Variants in DISP3 observed in about 807,000 individuals in gnomAD.
The protein encoded by DISP3 is protein dispatched homolog 3.
Under a neutral mutation model 135.3 loss-of-function variants are expected in DISP3, and 101 were observed. The observed-to-expected ratio is 0.75, with a 90% CI of 0.64 to 0.88. The LOEUF (loss-of-function observed/expected upper bound fraction) is 0.88. Among genes scored for constraint, DISP3 ranks in the 40% least tolerant of loss-of-function variants. DISP3 has a pLI of 0.00. For missense variants in DISP3, 1,713 were observed against 1,878.6 expected (o/e 0.91, Z 1.63); for synonymous variants, 856 against 817.0 (o/e 1.05, Z -0.81).
At chr1:11,517,643 A>G (rs1642052640) in intron 7 of DISP3, 41 bp downstream of exon 7, 1 of 1,606,128 alleles carries the variant, frequency 6.2e-7, no homozygotes, top group South Asian at 1.1e-5. Flanking sequence ...GGGTATCCAC[A>G]ACAGGCCTCT....
In DISP3 at chr1:11,479,338, C is replaced by G. The variant is rs937930607; in HGVS notation, c.-38C>G. Reference sequence around the variant, plus strand: ...ACCCTCTGCGCACTCTCTCCCGCGCCGGCGGCTCAGCCTAGCCCCGTTCGG... The same window carrying G: ...ACCCTCTGCGCACTCTCTCCCGCGCGGGCGGCTCAGCCTAGCCCCGTTCGG... On this transcript the variant is annotated 5_prime_UTR_variant, in exon 1 of 21. Coordinates refer to ENST00000294484, the MANE Select transcript of DISP3 (RefSeq NM_020780.2). 6.5e-6 allele frequency: 1 copy of G among 154,244 alleles called. No homozygotes were observed. Among genetic ancestry groups the G allele is most frequent in the Non-Finnish European group, 1.5e-5 (1 of 68,120 alleles). The allele number at this position is 154,244 out of a possible 1,614,324, so 9.6% of individuals were successfully genotyped here.
At chr1:11,525,081 C>A in intron 11 of DISP3, 95 bp from the exon 12 acceptor site, 1 of 1,476,628 alleles carries the variant, frequency 6.8e-7, no homozygotes, top group Non-Finnish European at 9.3e-7. Flanking sequence ...GGACTGAGCT[C>A]GTTAGTCGAC....
intron 17 of DISP3, chr1:11,533,737 G>GCACACACGCACGCACA (rs1277195286): frequency 9.0e-6 from 5 of 556,288 alleles, no homozygotes; most frequent in Non-Finnish European, 1.6e-5. Context: ...AGACACGCAT[G>GCACACACGCACGCACA]CACACACACA....
intron 10 of DISP3, among the ~76,000 whole-genome samples, chr1:11,522,781 GGGCCC>G (rs1388450899): frequency 2.9e-5 from 4 of 140,326 alleles, no homozygotes; most frequent in African/African-American, 8.1e-5. Context: ...GACCCAGCCA[GGGCCC>G]AGCCAGAGCC....
intron 1 of DISP3, among the ~76,000 whole-genome samples, chr1:11,495,364 C>T (rs999415118): frequency 1.3e-5 from 2 of 152,146 alleles, no homozygotes; most frequent in African/African-American, 2.4e-5. Flanking sequence ...GCACTCCAGC[C>T]TGGGTGACAG....
chr1:11,500,932 A>C, intron 1 of DISP3, 58 bp from the exon 2 acceptor site: 1 of 1,584,486 alleles, frequency 6.3e-7, no homozygotes, highest in Non-Finnish European at 8.6e-7. Flanking sequence ...GAACTGCACC[A>C]CAGGGCACCT....
rs375804957 is a variant in DISP3, at chr1:11,519,552, C to T, written c.2038+49C>T. The T allele has an allele frequency of 4.7e-5, 76 of 1,600,192 alleles. No homozygotes were observed. Among genetic ancestry groups the T allele is most frequent in the Non-Finnish European group, 6.4e-5 (75 of 1,171,690 alleles). On this transcript the variant is annotated intron_variant, in intron 8 of 20. Transcript: ENST00000294484. The surrounding 1 kb of genome is among the most constrained non-coding windows in gnomAD (Gnocchi z 4.3). Reference sequence around the variant, plus strand: ...CTACTGACCCCAGTGAGACCCAGCGCTGCCTCTGCCAGGGGAGTAACACTT... The same window carrying T: ...CTACTGACCCCAGTGAGACCCAGCGTTGCCTCTGCCAGGGGAGTAACACTT...
intron 12 of DISP3, among the ~76,000 whole-genome samples, chr1:11,525,955 A>T (rs888957508): frequency 6.6e-6 from 1 of 152,178 alleles, no homozygotes; most frequent in Non-Finnish European, 1.5e-5. Context: ...GACCACAGGC[A>T]CACACCACCA....
At position 11,520,012 on chromosome 1, in the gene DISP3, C is replaced by T. The variant is rs1358434001; in HGVS notation, c.2200+132C>T. 21 of 843,760 alleles carry T rather than the reference C, an allele frequency of 2.5e-5. No homozygotes were observed. Among genetic ancestry groups the T allele is most frequent in the Non-Finnish European group, 3.4e-5 (19 of 556,108 alleles). 52.3% of individuals were successfully genotyped at this position (843,760 alleles called of 1,614,324 possible). ...GGGCTGGGGTCTCTCCCTCTCTGAC[C>T]CCCCCTCTTTCCTGTGCAGAATGAA... On this transcript the variant is annotated intron_variant, in intron 9 of 20. Coordinates refer to ENST00000294484, the MANE Select transcript of DISP3 (RefSeq NM_020780.2). This position sits in a 1 kb window ranked among gnomAD's most constrained non-coding sequence, Gnocchi z 4.8.
At chr1:11,490,207 A>T (rs966814910) in intron 1 of DISP3, among the ~76,000 whole-genome samples, 3 of 152,166 alleles carry the variant, frequency 2.0e-5, no homozygotes, top group Non-Finnish European at 2.9e-5. Flanking sequence ...GGCCAGGGGC[A>T]TCTGGGAACC....
intron 3 of DISP3, among the ~76,000 whole-genome samples, chr1:11,513,128 A>T (rs1256853925): frequency 1.3e-5 from 2 of 151,888 alleles, no homozygotes; most frequent in South Asian, 2.1e-4. Flanking sequence ...ACTAAAAAAT[A>T]AAAAAAATCG....
Position 11,516,535 on chromosome 1 carries a change from T to G in DISP3, c.1749+374T>G, listed in dbSNP as rs1642017463. 6.6e-6 allele frequency among the ~76,000 whole-genome samples: 1 copy of G among 152,174 alleles called. No homozygotes were observed. The highest frequency in any genetic ancestry group is 1.5e-5 in the Non-Finnish European group (1 of 68,040). On this transcript the variant is annotated intron_variant, in intron 6 of 20. Transcript: ENST00000294484. The surrounding 1 kb of genome is among the most constrained non-coding windows in gnomAD (Gnocchi z 5.1). ...TTGGCCCCTGAGAGGTAAAGTGACT[T>G]CCTCAGGATCACACAGCAGATAAGT...
Position 11,519,455 on chromosome 1 carries a change from C to G in DISP3, c.1990C>G (p.Pro664Ala). The change falls in exon 8 of 21, where the codon CCC (proline) becomes GCC (alanine). Residue 664 changes from proline (P) to alanine (A), a missense_variant. Physicochemically the swap from Pro to Ala is conservative, Grantham distance 27. This residue lies in a region of DISP3 where 1,142 missense variants were observed against 1,384.6 expected (regional missense o/e 0.82). Transcript: ENST00000294484. This position sits in a 1 kb window ranked among gnomAD's most constrained non-coding sequence, Gnocchi z 4.3. Reference protein sequence around the residue: ...VGGSPAQGPIPYLDDDIPLLE... With the variant: ...VGGSPAQGPIAYLDDDIPLLE... ...AGGCAGCCCTGCCCAGGGCCCCATA[C>G]CCTACCTGGATGATGACATCCCCTT... The G allele has an allele frequency of 6.2e-7, 1 of 1,613,804 alleles. No individual in the cohort carries two copies. The highest frequency in any genetic ancestry group is 8.5e-7 in the Non-Finnish European group (1 of 1,180,020).
chr1:11,536,513 G>A lies in DISP3; in HGVS notation c.4006G>A (p.Val1336Ile), dbSNP rs763169933. 55 of 1,613,218 alleles carry A rather than the reference G, an allele frequency of 3.4e-5. No individual in the cohort carries two copies. The highest frequency in any genetic ancestry group is 2.0e-4 in the East Asian group (9 of 44,896). The change falls in exon 21 of 21, where the codon GTC (valine) becomes ATC (isoleucine). Residue 1336 changes from valine to isoleucine, a missense_variant. Coordinates refer to ENST00000294484, the MANE Select transcript of DISP3 (RefSeq NM_020780.2). The surrounding 1 kb of genome is among the most constrained non-coding windows in gnomAD (Gnocchi z 4.3). ...CGTGTCCATCCTCTACACGCTGACC[G>A]TCAGCACCGCCCTGCTGGGCATCAT... The part of the protein sequence containing the change: ...TGVSILYTLT[V>I]STALLGIMAP...
chr1:11,485,847 A>G (rs985739694), intron 1 of DISP3, among the ~76,000 whole-genome samples: 8 of 152,198 alleles, frequency 5.3e-5, no homozygotes, highest in African/African-American at 1.7e-4. Context: ...GAGTCTAAGC[A>G]GCTTACTAAT....
intron 4 of DISP3, among the ~76,000 whole-genome samples, chr1:11,515,057 T>C (rs1641964785): frequency 6.6e-6 from 1 of 152,240 alleles, no homozygotes; most frequent in Non-Finnish European, 1.5e-5. Flanking sequence ...GGCACCAAAC[T>C]ATATGCCAGA....
In DISP3 at chr1:11,495,984, A is replaced by T. The variant is rs556562755; in HGVS notation, c.-3-5006A>T. Among the ~76,000 whole-genome samples the T allele has an allele frequency of 3.9e-5, 6 of 152,372 alleles. No homozygotes were observed. In the South Asian group the frequency reaches 1.2e-3, roughly 32 times the overall value. Reference sequence around the variant, plus strand: ...AACATTTATTTCTGATTCTAAAAGTAAGGATATACCTGATCATTGCAGAAA... The same window carrying T: ...AACATTTATTTCTGATTCTAAAAGTTAGGATATACCTGATCATTGCAGAAA... On this transcript the variant is annotated intron_variant, in intron 1 of 20. Transcript: ENST00000294484.
chr1:11,493,325 A>G (rs11121753), intron 1 of DISP3, among the ~76,000 whole-genome samples: 73,686 of 151,918 alleles, frequency 0.49, 19,770 homozygotes, highest in East Asian at 0.73. Context: ...AGTCAACAAA[A>G]ACAATTTCCT....
Position 11,483,482 on chromosome 1 carries a change from T to G in DISP3, c.-4+4110T>G, listed in dbSNP as rs568259373. ...CAAAGTTCAGAGAAGTGAAGAGACT[T>G]GCCCAAGGTCACACAGCGAGAAGAG... On this transcript the variant is annotated intron_variant, in intron 1 of 20. Coordinates refer to ENST00000294484, the MANE Select transcript of DISP3 (RefSeq NM_020780.2). This position sits in a 1 kb window ranked among gnomAD's most constrained non-coding sequence, Gnocchi z 5.4. Among the ~76,000 whole-genome samples the G allele has an allele frequency of 1.3e-5, 2 of 152,352 alleles. No homozygotes were observed. The highest frequency in any genetic ancestry group is 4.8e-5 in the African/African-American group (2 of 41,580).
Sources: gnomAD v4.1 joint callset for allele counts (sites outside exome capture counted in the v4.1 genomes callset) on GRCh38, gnomAD v4.1.1 for gene constraint, gnomAD v4.1.1 regional missense constraint, Gnocchi (gnomAD v3.1) non-coding constraint, MANE v1.5 for transcripts, NCBI Gene and HGNC (gene_info 2026-07-23, HGNC 2026-07-21) for gene names.